The following DOLPP1 variants were observed in gnomAD, a reference collection of about 807,000 sequenced individuals.
DOLPP1 encodes dolichyldiphosphatase 1.
Under a neutral mutation model 34.1 loss-of-function variants are expected in DOLPP1, and 15 were observed. The observed-to-expected ratio is 0.44, with a 90% confidence interval of 0.29 to 0.68. The LOEUF (loss-of-function observed/expected upper bound fraction) is 0.68. Ranked by LOEUF, DOLPP1 falls within the 30% of genes least tolerant of loss-of-function variation. The probability of loss-of-function intolerance (pLI) is 0.12; values close to 1 mark genes in which losing one functional copy is unlikely to be tolerated. For synonymous variants in DOLPP1, 130 were observed against 128.2 expected (o/e 1.01, Z -0.10); for missense variants, 249 against 307.1 (o/e 0.81, Z 1.41).
chr9:129,084,990 G>A, intron 2 of DOLPP1, 33 bp from the exon 3 acceptor site: 1 of 1,547,516 alleles, frequency 6.5e-7, no homozygotes, highest in Non-Finnish European at 8.7e-7. Flanking sequence ...CAGGTGCACA[G>A]AGGCCCAGCT....
At chr9:129,084,589 C>T (rs1846948926) in intron 1 of DOLPP1, 79 bp from the exon 2 acceptor site, 2 of 1,050,202 alleles carry the variant, frequency 1.9e-6, no homozygotes, top group South Asian at 2.5e-5. Flanking sequence ...CTTTCTGGAT[C>T]AGGCCTTACT....
intron 7 of DOLPP1, 26 bp downstream of exon 7, chr9:129,086,824 A>G: frequency 6.2e-7 from 1 of 1,604,044 alleles, no homozygotes; most frequent in Non-Finnish European, 8.5e-7. Context: ...AGCAGTGCTC[A>G]CTGGGCCAGC....
chr9:129,084,184 C>G (rs1244359364), intron 1 of DOLPP1, among the ~76,000 whole-genome samples: 1 of 152,222 alleles, frequency 6.6e-6, no homozygotes, highest in Non-Finnish European at 1.5e-5. Flanking sequence ...CAGGGCAGCC[C>G]CAGCACAACA....
Position 129,089,073 on chromosome 9 carries a change from A to G in DOLPP1, c.*66A>G. 6.4e-7 allele frequency: 1 copy of G among 1,553,710 alleles called. No individual in the cohort carries two copies. On this transcript the variant is annotated 3_prime_UTR_variant, in exon 8 of 8. Coordinates refer to ENST00000372546, the MANE Select transcript of DOLPP1 (RefSeq NM_020438.5). The surrounding 1 kb of genome is among the most constrained non-coding windows in gnomAD (Gnocchi z 4.9). ...CACGATGCCTTGCAGGATGGACAGG[A>G]TGACAGACAGGGACGAAGCAGAGAC...
Position 129,086,208 on chromosome 9 carries a change from C to T in DOLPP1, c.531C>T (p.Ile177=), listed in dbSNP as rs368042033. 4.3e-6 allele frequency: 7 copies of T among 1,613,494 alleles called. No individual in the cohort carries two copies. Among genetic ancestry groups the T allele is most frequent in the African/African-American group, 4.0e-5 (3 of 74,922 alleles). ...YGGIAGGLMA[I]AWFIFTQEVL... Reference sequence around the variant, plus strand: ...GCATCGCTGGAGGCCTCATGGCCATCGCCTGGTTCATCTTCACCCAGGAGG... The same window carrying T: ...GCATCGCTGGAGGCCTCATGGCCATTGCCTGGTTCATCTTCACCCAGGAGG... Residue 177 remains isoleucine, a synonymous_variant, in exon 6 of 8, where the codon ATC becomes ATT. Transcript: ENST00000372546.
chr9:129,087,020 G>A (rs1847003000), intron 7 of DOLPP1, among the ~76,000 whole-genome samples: 1 of 152,268 alleles, frequency 6.6e-6, no homozygotes, highest in Admixed American at 6.5e-5. Flanking sequence ...GGAGCAGGGT[G>A]GTGAACCCAG....
At chr9:129,084,041 C>T (rs1354566123) in intron 1 of DOLPP1, among the ~76,000 whole-genome samples, 2 of 152,248 alleles carry the variant, frequency 1.3e-5, no homozygotes, top group African/African-American at 4.8e-5. Context: ...TAGGCAGTTT[C>T]CTGCCAGAGA....
intron 7 of DOLPP1, 61 bp from the exon 8 acceptor site, chr9:129,088,910 G>T: frequency 6.4e-7 from 1 of 1,573,480 alleles, no homozygotes; most frequent in South Asian, 1.1e-5. Context: ...GTGGGGTGGG[G>T]ACAGCTGTAG....
intron 1 of DOLPP1, 138 bp downstream of exon 1, chr9:129,081,345 C>T: frequency 9.0e-7 from 1 of 1,116,176 alleles, no homozygotes; most frequent in Non-Finnish European, 1.2e-6. Flanking sequence ...CACGGAGGGG[C>T]TCGGCCGGCG....
Position 129,085,579 on chromosome 9 carries a change from G to C in DOLPP1, c.424G>C (p.Gly142Arg). 6.2e-7 allele frequency: 1 copy of C among 1,613,460 alleles called. No individual in the cohort carries two copies. The highest frequency in any genetic ancestry group is 8.5e-7 in the Non-Finnish European group (1 of 1,179,876). ...DLLWRHVLSL[G>R]LLAVAFLVSY... ...GCTGTGGAGGCACGTGCTCTCCCTG[G>C]GACTCCTCGCTGTGGCCTTCCTAGT... Residue 142 changes from glycine (G) to arginine (R), a missense_variant, in exon 5 of 8, where the codon GGA becomes CGA. Physicochemically the swap from Gly to Arg is moderately radical, Grantham distance 125 (BLOSUM62 -2). Coordinates refer to ENST00000372546, the MANE Select transcript of DOLPP1 (RefSeq NM_020438.5). The surrounding 1 kb of genome is among the most constrained non-coding windows in gnomAD (Gnocchi z 7.0).
intron 7 of DOLPP1, 136 bp downstream of exon 7, chr9:129,086,934 C>T: frequency 2.9e-6 from 2 of 697,580 alleles, no homozygotes. Flanking sequence ...TGCTGTGACC[C>T]CCATTTTGCA....
chr9:129,088,962 GTT>G lies in DOLPP1; in HGVS notation c.681-6_681-5del. The G allele has an allele frequency of 6.2e-7, 1 of 1,613,778 alleles. No individual in the cohort carries two copies. Among genetic ancestry groups the G allele is most frequent in the South Asian group, 1.1e-5 (1 of 91,072 alleles). On this transcript the variant is annotated splice_region_variant and splice_polypyrimidine_tract_variant and intron_variant, in intron 7 of 7. Transcript: ENST00000372546. Reference sequence around the variant, plus strand: ...TGTCTCCACATCTGACCCCCATCCTGTTTTGCAGGAACAGACAACGCAAGCTG... The same window carrying G: ...TGTCTCCACATCTGACCCCCATCCTGTTGCAGGAACAGACAACGCAAGCTG...
chr9:129,084,988 C>G lies in DOLPP1; in HGVS notation c.178-35C>G, dbSNP rs1269284594. The stretch of plus-strand genomic sequence containing the variant: ...GACTAGGTAGCAGCCAACAGGTGCA[C>G]AGAGGCCCAGCTGACCATGCGTCTT... On this transcript the variant is annotated intron_variant, in intron 2 of 7. Coordinates refer to ENST00000372546, the MANE Select transcript of DOLPP1 (RefSeq NM_020438.5). The G allele has an allele frequency of 5.8e-6, 9 of 1,546,754 alleles. No individual in the cohort carries two copies. In the South Asian group the frequency reaches 7.5e-5, roughly 13 times the overall value.
chr9:129,081,112 A>G lies in DOLPP1; in HGVS notation c.-20A>G. 6.2e-7 allele frequency: 1 copy of G among 1,604,156 alleles called. No individual in the cohort carries two copies. On this transcript the variant is annotated 5_prime_UTR_variant, in exon 1 of 8. Transcript: ENST00000372546. Reference sequence around the variant, plus strand: ...CTGGCTCCCCATTGGCTGCTCGAAGAAGCCCGGTCTCCGGGTAAGATGGCA... The same window carrying G: ...CTGGCTCCCCATTGGCTGCTCGAAGGAGCCCGGTCTCCGGGTAAGATGGCA...
chr9:129,089,886 A>T lies in DOLPP1; in HGVS notation c.*879A>T, dbSNP rs900360198. On this transcript the variant is annotated 3_prime_UTR_variant, in exon 8 of 8. Transcript: ENST00000372546. This position sits in a 1 kb window ranked among gnomAD's most constrained non-coding sequence, Gnocchi z 4.9. ...GAGGAGTGAGGCAACAGGCACCCGA[A>T]GTCCCTCGTCCTTCCCTCTGTGTGC... is the stretch of plus-strand genomic sequence containing the variant. The T allele has an allele frequency of 6.6e-6, 1 of 152,506 alleles. No individual in the cohort carries two copies. Among genetic ancestry groups the T allele is most frequent in the Non-Finnish European group, 1.5e-5 (1 of 68,086 alleles). 9.4% of individuals were successfully genotyped at this position (152,506 alleles called of 1,614,324 possible). A position where few individuals can be genotyped will look rare whatever the true frequency, so the allele number is the denominator to read the frequency against.
intron 1 of DOLPP1, among the ~76,000 whole-genome samples, chr9:129,082,267 T>A (rs1846904950): frequency 6.6e-6 from 1 of 152,216 alleles, no homozygotes; most frequent in Non-Finnish European, 1.5e-5. Flanking sequence ...ACGTTGACGC[T>A]GGTGTTCTGG....
At position 129,089,961 on chromosome 9, in the gene DOLPP1, C is replaced by A. The variant is rs576457674; in HGVS notation, c.*954C>A. On this transcript the variant is annotated 3_prime_UTR_variant, in exon 8 of 8. Transcript: ENST00000372546. The surrounding 1 kb of genome is among the most constrained non-coding windows in gnomAD (Gnocchi z 4.9). The stretch of plus-strand genomic sequence containing the variant: ...GACCCATCTCTGACCAGCTGGGAAC[C>A]TGCTTGGGGTCCCCCTCAAACCTGT... 1 of 152,386 alleles carries A rather than the reference C, an allele frequency of 6.6e-6. No individual in the cohort carries two copies. The highest frequency in any genetic ancestry group is 1.5e-5 in the Non-Finnish European group (1 of 68,076). The allele number at this position is 152,386 out of a possible 1,614,324, so 9.4% of individuals were successfully genotyped here. A position where few individuals can be genotyped will look rare whatever the true frequency, so the allele number is the denominator to read the frequency against.
chr9:129,086,597 T>C (rs1311895178), intron 6 of DOLPP1, 112 bp from the exon 7 acceptor site: 5 of 1,132,678 alleles, frequency 4.4e-6, no homozygotes, highest in African/African-American at 1.5e-5. Context: ...GCAAAGACTC[T>C]AGGCAGTCGG....
chr9:129,085,724 CA>C lies in DOLPP1; in HGVS notation c.461+109del. 1 of 869,292 alleles carries C rather than the reference CA, an allele frequency of 1.2e-6. No individual in the cohort carries two copies. The highest frequency in any genetic ancestry group is 2.6e-5 in the East Asian group (1 of 37,982). 53.8% of individuals were successfully genotyped at this position (869,292 alleles called of 1,614,324 possible). ...GACCCTAGTCCCAGAACCTGTAGTG[CA>C]GGACTGGAAAAGGGGTCCCAGACCT... is the stretch of plus-strand genomic sequence containing the variant. On this transcript the variant is annotated intron_variant, in intron 5 of 7. Coordinates refer to ENST00000372546, the MANE Select transcript of DOLPP1 (RefSeq NM_020438.5). The surrounding 1 kb of genome is among the most constrained non-coding windows in gnomAD (Gnocchi z 7.0).
Sources: allele counts gnomAD v4.1 joint callset (sites outside exome capture counted in the v4.1 genomes callset), GRCh38; gene constraint gnomAD v4.1.1; non-coding constraint Gnocchi (gnomAD v3.1); transcripts MANE v1.5; gene names NCBI Gene and HGNC (gene_info 2026-07-23, HGNC 2026-07-21).